The following SGCD variants were observed in gnomAD, a reference collection of about 807,000 sequenced individuals.
SGCD encodes the protein delta-sarcoglycan.
Under a neutral mutation model 36.6 loss-of-function variants are expected in SGCD, and 18 were observed. That is an observed-to-expected ratio of 0.49 (90% CI 0.34 to 0.73). The LOEUF (loss-of-function observed/expected upper bound fraction) is 0.73, where lower values mean the gene tolerates loss of function less well. SGCD is among the 30% of genes least tolerant of loss of function. The probability of loss-of-function intolerance (pLI) is 0.01; values close to 1 mark genes in which losing one functional copy is unlikely to be tolerated. For synonymous variants in SGCD, 133 were observed against 130.6 expected (o/e 1.02, Z -0.12); for missense variants, 387 against 346.7 (o/e 1.12, Z -0.92).
At chr5:156,516,849 T>A (rs1212398113) in intron 4 of SGCD, among the ~76,000 whole-genome samples, 1 of 152,024 alleles carries the variant, frequency 6.6e-6, no homozygotes, top group African/African-American at 2.4e-5. Context: ...GTACAAAAAT[T>A]AGCCAGGCTT....
chr5:156,549,469 A>C (rs1416695011), intron 4 of SGCD, among the ~76,000 whole-genome samples: 2 of 152,234 alleles, frequency 1.3e-5, no homozygotes, highest in African/African-American at 4.8e-5. Flanking sequence ...GCATGGACTT[A>C]GCTTGGCACC....
chr5:155,863,586 A>T, the SGCD span, among the ~76,000 whole-genome samples: 1 of 151,532 alleles, frequency 6.6e-6, no homozygotes. Flanking sequence ...AAGTATTATT[A>T]GTCTTCATTC....
chr5:155,976,428 C>A (rs755439704), intron 1 of SGCD, among the ~76,000 whole-genome samples: 32 of 152,160 alleles, frequency 2.1e-4, no homozygotes, highest in Non-Finnish European at 4.3e-4. Context: ...ATGCCAGATC[C>A]AGGATTCCAA....
chr5:156,207,852 T>C (rs537957522), intron 3 of SGCD, among the ~76,000 whole-genome samples: 1 of 152,244 alleles, frequency 6.6e-6, no homozygotes, highest in East Asian at 1.9e-4. Flanking sequence ...TTGATCATCT[T>C]GATAGGCTTC....
At chr5:156,653,297 CA>C (rs1266612003) in intron 7 of SGCD, among the ~76,000 whole-genome samples, 2 of 39,604 alleles carry the variant, frequency 5.0e-5, no homozygotes, top group Non-Finnish European at 1.2e-4. Flanking sequence ...TTCGGGGTTT[CA>C]ACTTCTTCCT....
chr5:155,930,322 A>G (rs1261532360), intron 1 of SGCD, among the ~76,000 whole-genome samples: 1 of 152,190 alleles, frequency 6.6e-6, no homozygotes, highest in East Asian at 1.9e-4. Flanking sequence ...AGTAAATGAA[A>G]TGGGTCTGAG....
At chr5:156,693,536 G>C (rs1465084045) in intron 7 of SGCD, among the ~76,000 whole-genome samples, 1 of 152,038 alleles carries the variant, frequency 6.6e-6, no homozygotes, top group Non-Finnish European at 1.5e-5. Context: ...ATACTCTTTA[G>C]GAATATTAGG....
rs1472763953 is a variant in SGCD, at chr5:156,762,078, G to C, written c.*2688G>C. 1 of 152,458 alleles carries C rather than the reference G, an allele frequency of 6.6e-6. No individual in the cohort carries two copies. The highest frequency in any genetic ancestry group is 2.4e-5 in the African/African-American group (1 of 41,390). The allele number at this position is 152,458 out of a possible 1,614,324, so 9.4% of individuals were successfully genotyped here. A position where few individuals can be genotyped will look rare whatever the true frequency, so the allele number is the denominator to read the frequency against. The stretch of plus-strand genomic sequence containing the variant: ...AACTAGAATATTTGTCAGTGGTCAA[G>C]AGAAAAAATTTTACCTGAATTCTTG... On this transcript the variant is annotated 3_prime_UTR_variant, in exon 9 of 9. Coordinates refer to ENST00000337851, the MANE Select transcript of SGCD (RefSeq NM_000337.6).
intron 3 of SGCD, among the ~76,000 whole-genome samples, chr5:156,169,614 T>C (rs1049439405): frequency 2.0e-5 from 3 of 152,096 alleles, no homozygotes; most frequent in Non-Finnish European, 1.5e-5. Flanking sequence ...AGAAGTGCTA[T>C]GGAGAAAAAT....
intron 7 of SGCD, among the ~76,000 whole-genome samples, chr5:156,749,310 A>C (rs1418690767): frequency 6.6e-6 from 1 of 152,212 alleles, no homozygotes; most frequent in Non-Finnish European, 1.5e-5. Flanking sequence ...GTCAAAGAAA[A>C]ATTCATAACT....
At chr5:155,756,312 G>A in the SGCD span, among the ~76,000 whole-genome samples, 1 of 152,220 alleles carries the variant, frequency 6.6e-6, no homozygotes, top group Non-Finnish European at 1.5e-5. Flanking sequence ...ACTTTCACAT[G>A]TGAAAATTAG....
intron 3 of SGCD, among the ~76,000 whole-genome samples, chr5:156,482,813 G>GTTTTGT (rs1755491212): frequency 8.4e-5 from 7 of 83,380 alleles, no homozygotes; most frequent in Non-Finnish European, 4.2e-5. Flanking sequence ...CTTTTGGTCA[G>GTTTTGT]TTTTTTTTTT....
At chr5:156,186,670 C>G (rs1440383196) in intron 3 of SGCD, among the ~76,000 whole-genome samples, 3 of 152,210 alleles carry the variant, frequency 2.0e-5, no homozygotes, top group African/African-American at 7.2e-5. Flanking sequence ...TTCTTGGGCT[C>G]TAGCCTGGAA....
intron 7 of SGCD, among the ~76,000 whole-genome samples, chr5:156,654,003 T>G: frequency 6.6e-6 from 1 of 152,078 alleles, no homozygotes; most frequent in East Asian, 1.9e-4. Context: ...GTTGGGCGCC[T>G]AATGCCAACC....
At chr5:156,268,936 T>C (rs187507015) in intron 3 of SGCD, among the ~76,000 whole-genome samples, 1 of 152,272 alleles carries the variant, frequency 6.6e-6, no homozygotes, top group Non-Finnish European at 1.5e-5. Context: ...GAGCTTTTTT[T>C]TTCGTATGTA....
chr5:156,334,141 G>C (rs1309782125), intron 2 of SGCD, among the ~76,000 whole-genome samples: 1 of 151,954 alleles, frequency 6.6e-6, no homozygotes, highest in African/African-American at 2.4e-5. Flanking sequence ...ACACAGCTTG[G>C]TCCCCAAGTC....
At chr5:156,083,784 G>T (rs571648211) in intron 1 of SGCD, among the ~76,000 whole-genome samples, 208 of 149,712 alleles carry the variant, frequency 1.4e-3, no homozygotes, top group African/African-American at 3.6e-3. Flanking sequence ...TTTTTTTTTT[G>T]TTTTGTTTTT....
At chr5:155,824,980 C>T in the SGCD span, among the ~76,000 whole-genome samples, 8 of 152,242 alleles carry the variant, frequency 5.3e-5, no homozygotes, top group South Asian at 1.7e-3. Flanking sequence ...AGCTCTGGGT[C>T]CATGGTAGTT....
chr5:156,366,071 C>A (rs908279891), intron 3 of SGCD, among the ~76,000 whole-genome samples: 2 of 152,166 alleles, frequency 1.3e-5, no homozygotes, highest in African/African-American at 4.8e-5. Flanking sequence ...AGACAAAAGC[C>A]TTCCTGACAA....
Sources: gnomAD v4.1 joint callset for allele counts (sites outside exome capture counted in the v4.1 genomes callset) on GRCh38, gnomAD v4.1.1 for gene constraint, MANE v1.5 for transcripts, NCBI Gene and HGNC (gene_info 2026-07-23, HGNC 2026-07-21) for gene names.